The following PPFIA2 variants were observed in gnomAD, a reference collection of about 807,000 sequenced individuals.
PPFIA2 encodes the protein PPFI scaffold protein A2.
In PPFIA2, 46 loss-of-function variants were observed where a neutral mutation model predicts 175.5. That is an observed-to-expected ratio of 0.26 (90% CI 0.21 to 0.34). The LOEUF (loss-of-function observed/expected upper bound fraction) is 0.34. Ranked by LOEUF, PPFIA2 falls within the 10% of genes least tolerant of loss-of-function variation. The probability of loss-of-function intolerance (pLI) is 1.00; values close to 1 mark genes in which losing one functional copy is unlikely to be tolerated. For synonymous variants in PPFIA2, 568 were observed against 511.4 expected (o/e 1.11, Z -1.49); for missense variants, 1,179 against 1,506.1 (o/e 0.78, Z 3.60).
chr12:81,754,804 C>T (rs1031377820), intron 2 of PPFIA2, among the ~76,000 whole-genome samples: 1 of 151,868 alleles, frequency 6.6e-6, no homozygotes, highest in African/African-American at 2.4e-5. Flanking sequence ...TTTAGTCAAC[C>T]GATTTTTTTC....
At position 81,277,415 on chromosome 12, in the gene PPFIA2, CT is replaced by C. The variant is rs762977214; in HGVS notation, c.3213-2del. 3,535 of 1,218,794 alleles carry C rather than the reference CT, an allele frequency of 2.9e-3. 5 individuals are homozygous for C. The highest frequency in any genetic ancestry group is 0.011 in the African/African-American group (657 of 60,606). 75.5% of individuals were successfully genotyped at this position (1,218,794 alleles called of 1,614,324 possible). On this transcript the variant is annotated splice_acceptor_variant, in intron 27 of 32. Coordinates refer to ENST00000549396, the MANE Select transcript of PPFIA2 (RefSeq NM_003625.5). LOFTEE classifies it high-confidence loss of function. Reference sequence around the variant, plus strand: ...CATAATTCCATATTGTAAACTTGTTCTTTTTTTTTTATTAAAAAAAAAAAAA... The same window carrying C: ...CATAATTCCATATTGTAAACTTGTTCTTTTTTTTTATTAAAAAAAAAAAAA...
rs889822819 is a variant in PPFIA2 at position 81,709,643 on chromosome 12, C to A, written c.250-32799G>T. 2.6e-5 allele frequency among the ~76,000 whole-genome samples: 4 copies of A among 151,902 alleles called. No individual in the cohort carries two copies. The South Asian group carries it at 6.2e-4, about 24-fold the overall frequency. ...TTCTATTAAAAATATATTATGAGAG[C>A]TTTCAAAGTCAATAAGCAGATCCCT... On this transcript the variant is annotated intron_variant, in intron 3 of 32. Coordinates refer to ENST00000549396, the MANE Select transcript of PPFIA2 (RefSeq NM_003625.5).
intron 21 of PPFIA2, among the ~76,000 whole-genome samples, chr12:81,332,098 A>T (rs1342809904): frequency 1.3e-5 from 2 of 151,982 alleles, no homozygotes. Context: ...CTGCCTCTGG[A>T]AAACAGAGCT....
chr12:81,349,258 T>C (rs1205894921), intron 17 of PPFIA2, among the ~76,000 whole-genome samples: 1 of 152,204 alleles, frequency 6.6e-6, no homozygotes, highest in African/African-American at 2.4e-5. Context: ...GTCATTGGAA[T>C]AAGTGATCTT....
chr12:81,546,316 A>G (rs976277032), intron 4 of PPFIA2: 1 of 152,006 alleles, frequency 6.6e-6, no homozygotes, highest in African/African-American at 2.4e-5. Context: ...GTTTTTTTCT[A>G]AATTTGTGTG....
intron 4 of PPFIA2, among the ~76,000 whole-genome samples, chr12:81,593,826 C>A (rs1321388216): frequency 6.6e-6 from 1 of 152,124 alleles, no homozygotes; most frequent in East Asian, 1.9e-4. Flanking sequence ...TCAGGAAGGT[C>A]TTTTTTATGC....
At chr12:81,659,719 G>C (rs1050862670) in intron 4 of PPFIA2, among the ~76,000 whole-genome samples, 1 of 152,162 alleles carries the variant, frequency 6.6e-6, no homozygotes, top group Non-Finnish European at 1.5e-5. Context: ...GGTTCTCCCA[G>C]CATGCAGCTT....
rs147715387 is a variant in PPFIA2, at chr12:81,533,241, C to T, written c.304-75375G>A. Among the ~76,000 whole-genome samples the T allele has an allele frequency of 1.3e-3, 202 of 151,686 alleles. No individual in the cohort carries two copies. In the Middle Eastern group the frequency reaches 0.024, roughly 18 times the overall value. Reference sequence around the variant, plus strand: ...ATAATGGTTACAAATGACATCACAACGTTTTAATATAAAAGGATGACATCA... The same window carrying T: ...ATAATGGTTACAAATGACATCACAATGTTTTAATATAAAAGGATGACATCA... On this transcript the variant is annotated intron_variant, in intron 4 of 32. Transcript: ENST00000549396.
intron 4 of PPFIA2, among the ~76,000 whole-genome samples, chr12:81,620,872 A>G (rs935970197): frequency 3.3e-5 from 5 of 152,230 alleles, no homozygotes; most frequent in Non-Finnish European, 5.9e-5. Context: ...TAAAATCAAT[A>G]CACTGTTTAG....
intron 14 of PPFIA2, among the ~76,000 whole-genome samples, chr12:81,365,933 C>A (rs1011335325): frequency 2.0e-5 from 3 of 151,180 alleles, no homozygotes; most frequent in Admixed American, 6.6e-5. Context: ...TATTCTTCAT[C>A]TTTTCCAATA....
At chr12:81,577,496 T>C (rs2073756797) in intron 4 of PPFIA2, among the ~76,000 whole-genome samples, 1 of 151,878 alleles carries the variant, frequency 6.6e-6, no homozygotes, top group South Asian at 2.1e-4. Flanking sequence ...TTCAAAACAA[T>C]TCAAAGAAGA....
chr12:81,434,875 G>A (rs1287831608), intron 7 of PPFIA2, among the ~76,000 whole-genome samples: 1 of 151,580 alleles, frequency 6.6e-6, no homozygotes, highest in Non-Finnish European at 1.5e-5. Flanking sequence ...AGAAACATAT[G>A]GTATATATAC....
At chr12:81,549,969 C>CTAAGAT (rs1441797719) in intron 4 of PPFIA2, among the ~76,000 whole-genome samples, 2 of 151,866 alleles carry the variant, frequency 1.3e-5, no homozygotes, top group African/African-American at 4.8e-5. Flanking sequence ...AAACAAAAAA[C>CTAAGAT]TAAGATTTTT....
chr12:81,293,675 C>CT (rs2045648717), intron 24 of PPFIA2, among the ~76,000 whole-genome samples: 2 of 151,422 alleles, frequency 1.3e-5, no homozygotes, highest in South Asian at 4.2e-4. Flanking sequence ...AAAGGGAACA[C>CT]TTATACACTG....
At chr12:81,489,489 G>A (rs114325586) in intron 4 of PPFIA2, among the ~76,000 whole-genome samples, 1,943 of 151,898 alleles carry the variant, frequency 0.013, 41 homozygotes, top group African/African-American at 0.044. Flanking sequence ...TCATTAGACA[G>A]TTTTGATTAT....
At chr12:81,541,783 C>T (rs531094374) in intron 4 of PPFIA2, among the ~76,000 whole-genome samples, 1 of 152,106 alleles carries the variant, frequency 6.6e-6, no homozygotes, top group East Asian at 1.9e-4. Flanking sequence ...TGACTTGTTC[C>T]AGGCTACAAG....
At chr12:81,711,548 T>A (rs560230339) in intron 3 of PPFIA2, among the ~76,000 whole-genome samples, 2 of 151,518 alleles carry the variant, frequency 1.3e-5, no homozygotes, top group African/African-American at 2.4e-5. Context: ...AGTATAATTA[T>A]TGTGCTATAG....
At chr12:81,499,896 G>A (rs1282148700) in intron 4 of PPFIA2, among the ~76,000 whole-genome samples, 2 of 151,846 alleles carry the variant, frequency 1.3e-5, no homozygotes, top group South Asian at 2.1e-4. Flanking sequence ...GATTTCCTAT[G>A]CCTAAGTATC....
At chr12:81,646,740 A>G (rs1258400652) in intron 4 of PPFIA2, among the ~76,000 whole-genome samples, 1 of 152,170 alleles carries the variant, frequency 6.6e-6, no homozygotes. Flanking sequence ...CTTTCTGCTA[A>G]CTCAAACTCC....
Sources: allele counts gnomAD v4.1 joint callset (sites outside exome capture counted in the v4.1 genomes callset), GRCh38; gene constraint gnomAD v4.1.1; transcripts MANE v1.5; gene names NCBI Gene and HGNC (gene_info 2026-07-23, HGNC 2026-07-21).